ZNF28: variants seen among roughly 807,000 people sequenced by gnomAD.
The protein encoded by ZNF28 is zinc finger protein 28.
In ZNF28, 5 loss-of-function variants were observed where a neutral mutation model predicts 7.2. The ratio of observed to expected loss-of-function variants is 0.70; its 90% CI spans 0.36 to 1.46. The LOEUF is 1.46. Among genes scored for constraint, ZNF28 ranks in the 40% most tolerant of loss-of-function variants. The pLI is 0.03. For synonymous variants in ZNF28, 288 were observed against 292.4 expected, an observed-to-expected ratio of 0.99 and a Z score of 0.15; for missense variants, 879 against 866.6, an observed-to-expected ratio of 1.01 and a Z score of -0.18.
intron 2 of ZNF28, among the ~76,000 whole-genome samples, chr19:52,816,899 CCT>C (rs2063132820): frequency 6.9e-6 from 1 of 145,730 alleles, no homozygotes; most frequent in African/African-American, 2.6e-5. Context: ...ACAGCTTTAT[CCT>C]CTTAGATAAA....
intron 2 of ZNF28, among the ~76,000 whole-genome samples, chr19:52,808,887 A>T (rs996843152): frequency 3.9e-5 from 6 of 152,194 alleles, no homozygotes; most frequent in African/African-American, 9.6e-5. Context: ...TTTTCACAAA[A>T]TAATAAAACC....
At position 52,813,824 on chromosome 19, in the gene ZNF28, T is replaced by C. The variant is rs1233088704; in HGVS notation, c.15+4120A>G. Among the ~76,000 whole-genome samples the C allele has an allele frequency of 3.4e-5, 5 of 146,532 alleles. No homozygotes were observed. In the Admixed American group the frequency reaches 3.4e-4, roughly 10 times the overall value. ...CCTTGTTTTGGGGGGTTTAGAGGTG[T>C]TTCTGTTTTTCAGTTTTTTGTTTTG... On this transcript the variant is annotated intron_variant, in intron 2 of 3. Transcript: ENST00000457749.
intron 2 of ZNF28, chr19:52,810,766 A>G: frequency 3.6e-6 from 2 of 552,254 alleles, no homozygotes; most frequent in Non-Finnish European, 6.4e-6. Context: ...AAAAAAAAAG[A>G]ATAAAAAAAA....
rs978437823 is a variant in ZNF28 at position 52,797,825 on chromosome 19, A to G, written c.*1863T>C. 1 of 152,236 alleles carries G rather than the reference A, an allele frequency of 6.6e-6. No homozygotes were observed. Among genetic ancestry groups the G allele is most frequent in the African/African-American group, 2.4e-5 (1 of 41,468 alleles). 9.4% of individuals were successfully genotyped at this position (152,236 alleles called of 1,614,324 possible). The stretch of plus-strand genomic sequence containing the variant: ...ATAGAAATCCCCATAACTTTTTGTT[A>G]AAGAAACAAAAAACAGGCCAGTCAC... On this transcript the variant is annotated 3_prime_UTR_variant, in exon 4 of 4. Coordinates refer to ENST00000457749, the MANE Select transcript of ZNF28 (RefSeq NM_006969.5).
In ZNF28 at chr19:52,799,574, A is replaced by T. The variant is rs1439699373; in HGVS notation, c.*114T>A. ...TGTGACTTACAAGGGTTGAATTGTG[A>T]TGGAAGGTGTTGCCACACTCATTAC... On this transcript the variant is annotated 3_prime_UTR_variant, in exon 4 of 4. Coordinates refer to ENST00000457749, the MANE Select transcript of ZNF28 (RefSeq NM_006969.5). 3.9e-6 allele frequency: 6 copies of T among 1,545,498 alleles called. No homozygotes were observed. The highest frequency in any genetic ancestry group is 3.5e-5 in the South Asian group (3 of 86,206).
intron 2 of ZNF28, among the ~76,000 whole-genome samples, chr19:52,811,304 C>T (rs1329125723): frequency 1.3e-5 from 2 of 150,950 alleles, no homozygotes; most frequent in Non-Finnish European, 2.9e-5. Context: ...AGCCTCTGCC[C>T]GGCCGCCACC....
At chr19:52,816,757 G>A (rs930126329) in intron 2 of ZNF28, among the ~76,000 whole-genome samples, 7 of 151,724 alleles carry the variant, frequency 4.6e-5, no homozygotes, top group Admixed American at 1.3e-4. Flanking sequence ...CTTCAACCTG[G>A]GAGACAGAGG....
chr19:52,808,237 T>A, intron 2 of ZNF28, 104 bp from the exon 3 acceptor site: 1 of 1,539,772 alleles, frequency 6.5e-7, no homozygotes, highest in South Asian at 1.3e-5. Flanking sequence ...TAGTGAATGT[T>A]CTCACAAATC....
At chr19:52,803,835 T>C (rs940127365) in intron 3 of ZNF28, among the ~76,000 whole-genome samples, 2 of 152,118 alleles carry the variant, frequency 1.3e-5, no homozygotes, top group Non-Finnish European at 2.9e-5. Context: ...GGAGGGTGCC[T>C]GTAATCCCAG....
chr19:52,799,778 T>A lies in ZNF28; in HGVS notation c.2067A>T (p.Lys689Asn). ...TGCCACACTCATTACACTTGTAAGG[T>A]TTCTCTCCAGTATGAACTCTCTGAT... Reference protein sequence around the residue: ...AQHQRVHTGEKPYKCNECGKT... With the variant: ...AQHQRVHTGENPYKCNECGKT... Residue 689 changes from lysine to asparagine, a missense_variant, in exon 4 of 4, where the codon AAA becomes AAT. Transcript: ENST00000457749. 6.2e-7 allele frequency: 1 copy of A among 1,614,058 alleles called. No homozygotes were observed. The highest frequency in any genetic ancestry group is 1.3e-5 in the African/African-American group (1 of 74,934).
rs567509302 is a variant in ZNF28, at chr19:52,819,703, G to A, written c.-73-1672C>T. Among the ~76,000 whole-genome samples the A allele has an allele frequency of 2.8e-5, 4 of 142,322 alleles. 1 individual carries two copies. The highest frequency in any genetic ancestry group is 8.7e-5 in the African/African-American group (3 of 34,480). The allele number at this position is 142,322 out of a possible 152,430, so 93.4% of individuals were successfully genotyped here. A position where few individuals can be genotyped will look rare whatever the true frequency, so the allele number is the denominator to read the frequency against. On this transcript the variant is annotated intron_variant, in intron 1 of 3. Transcript: ENST00000457749. Reference sequence around the variant, plus strand: ...CCTGGAAGGGCTAATGGGATGGACTGGTCTTATCATCCCATCCTTAAAATT... The same window carrying A: ...CCTGGAAGGGCTAATGGGATGGACTAGTCTTATCATCCCATCCTTAAAATT...
Position 52,799,989 on chromosome 19 carries a change from G to A in ZNF28, c.1856C>T (p.Thr619Ile), listed in dbSNP as rs2062841106. The change falls in exon 4 of 4, where the codon ACA becomes ATA. Residue 619 changes from threonine to isoleucine, a missense_variant. Physicochemically the swap from Thr to Ile is moderately conservative, Grantham distance 89. This residue lies in a region of ZNF28 where 864 missense variants were observed against 830.2 expected (regional missense o/e 1.04). Transcript: ENST00000457749. The part of the protein sequence containing the change: ...CNECGKTFRQ[T>I]SSLIIHRRLH... ...CCTACGATGGATTATAAGCGATGAT[G>A]TCTGACGGAAGGTCTTGCCACACTC... The A allele has an allele frequency of 6.2e-7, 1 of 1,607,550 alleles. No individual in the cohort carries two copies. The highest frequency in any genetic ancestry group is 8.5e-7 in the Non-Finnish European group (1 of 1,178,014).
In ZNF28 at chr19:52,798,060, T is replaced by C; in HGVS notation, c.*1628A>G. 1 of 153,220 alleles carries C rather than the reference T, an allele frequency of 6.5e-6. No individual in the cohort carries two copies. Among genetic ancestry groups the C allele is most frequent in the Non-Finnish European group, 1.5e-5 (1 of 68,884 alleles). 9.5% of individuals were successfully genotyped at this position (153,220 alleles called of 1,614,324 possible). A position where few individuals can be genotyped will look rare whatever the true frequency, so the allele number is the denominator to read the frequency against. On this transcript the variant is annotated 3_prime_UTR_variant, in exon 4 of 4. Coordinates refer to ENST00000457749, the MANE Select transcript of ZNF28 (RefSeq NM_006969.5). ...TCGCTTGAACCTGGGAGGCGGAGGT[T>C]GTAGTGAGTCAAGATCATGCCACTG... is the stretch of plus-strand genomic sequence containing the variant.
At position 52,800,756 on chromosome 19, in the gene ZNF28, A is replaced by T; in HGVS notation, c.1089T>A (p.Val363=). The part of the protein sequence containing the change: ...KPYKCNECGK[V]FNRLSTLARH... ...GTGCAAGGGTTGACAGTCGATTAAA[A>T]ACCTTGCCACATTCATTACACTTGT... Residue 363 remains valine, a synonymous_variant, in exon 4 of 4, where the codon GTT becomes GTA. Coordinates refer to ENST00000457749, the MANE Select transcript of ZNF28 (RefSeq NM_006969.5). 6.2e-7 allele frequency: 1 copy of T among 1,613,080 alleles called. No homozygotes were observed. Among genetic ancestry groups the T allele is most frequent in the Non-Finnish European group, 8.5e-7 (1 of 1,179,780 alleles).
intron 2 of ZNF28, among the ~76,000 whole-genome samples, chr19:52,808,903 A>T (rs1291095459): frequency 6.6e-6 from 1 of 152,150 alleles, no homozygotes; most frequent in African/African-American, 2.4e-5. Flanking sequence ...AAACCTAGAG[A>T]CTCACAAAAC....
rs142200109 is a variant in ZNF28, at chr19:52,814,738, T to G, written c.15+3206A>C. On this transcript the variant is annotated intron_variant, in intron 2 of 3. Coordinates refer to ENST00000457749, the MANE Select transcript of ZNF28 (RefSeq NM_006969.5). ...CATCACTACTGAAAATACCAAAAAA[T>G]TATCTGGACATGGTGGCACTCGCTT... 6.3e-4 allele frequency among the ~76,000 whole-genome samples: 92 copies of G among 145,690 alleles called. 13 individuals are homozygous for G. The highest frequency in any genetic ancestry group is 2.3e-3 in the African/African-American group (87 of 37,358).
intron 3 of ZNF28, among the ~76,000 whole-genome samples, chr19:52,803,831 T>C (rs1295576938): frequency 6.6e-6 from 1 of 151,904 alleles, no homozygotes. Flanking sequence ...TGGTGGAGGG[T>C]GCCTGTAATC....
intron 2 of ZNF28, among the ~76,000 whole-genome samples, chr19:52,808,674 C>A (rs2062970682): frequency 6.6e-6 from 1 of 150,428 alleles, no homozygotes. Context: ...ATTAGCTGGA[C>A]CTGGTGGCAG....
chr19:52,818,863 G>A (rs1485898981), intron 1 of ZNF28, among the ~76,000 whole-genome samples: 1 of 134,556 alleles, frequency 7.4e-6, no homozygotes, highest in Non-Finnish European at 1.5e-5. Context: ...TAGCCTGGAG[G>A]ACAGAATGAG....
Sources: allele counts gnomAD v4.1 joint callset (sites outside exome capture counted in the v4.1 genomes callset), GRCh38; gene constraint gnomAD v4.1.1; regional missense constraint gnomAD v4.1.1; transcripts MANE v1.5; gene names NCBI Gene and HGNC (gene_info 2026-07-23, HGNC 2026-07-21).